SNCB: variants seen among roughly 807,000 people sequenced by gnomAD.
SNCB encodes the protein beta-synuclein.
Under a neutral mutation model 20.0 loss-of-function variants are expected in SNCB, and 8 were observed. The observed-to-expected ratio is 0.40, with a 90% confidence interval of 0.24 to 0.72. SNCB has a LOEUF of 0.72. Ranked by LOEUF, SNCB falls within the 30% of genes least tolerant of loss-of-function variation. The pLI is 0.37. For synonymous variants in SNCB, 56 were observed against 65.4 expected (o/e 0.86, Z 0.69); for missense variants, 125 against 168.0 (o/e 0.74, Z 1.41).
chr5:176,621,102 T>C lies in SNCB; in HGVS notation c.372+112A>G, dbSNP rs982865558. ...TGGGGCCTGGGTTCTAGAAGAGGGA[T>C]GTCAAGCTCCCTGGCCCAACCATCT... On this transcript the variant is annotated intron_variant, in intron 5 of 5. Transcript: ENST00000393693. The surrounding 1 kb of genome is among the most constrained non-coding windows in gnomAD (Gnocchi z 4.1). 15 of 906,346 alleles carry C rather than the reference T, an allele frequency of 1.7e-5. No individual in the cohort carries two copies. The African/African-American group carries it at 2.3e-4, about 14-fold the overall frequency. 56.1% of individuals were successfully genotyped at this position (906,346 alleles called of 1,614,324 possible).
rs1759565463 is a variant in SNCB at position 176,621,140 on chromosome 5, G to A, written c.372+74C>T. ...GGCCCAACCATCTCATGCCAGGGAT[G>A]TCCCACCCCAGCTAGGGACGGCAGC... On this transcript the variant is annotated intron_variant, in intron 5 of 5. Coordinates refer to ENST00000393693, the MANE Select transcript of SNCB (RefSeq NM_003085.5). The surrounding 1 kb of genome is among the most constrained non-coding windows in gnomAD (Gnocchi z 4.1). 4 of 1,213,002 alleles carry A rather than the reference G, an allele frequency of 3.3e-6. 1 individual carries two copies. In the Middle Eastern group the frequency reaches 6.4e-4, roughly 193 times the overall value. 75.1% of individuals were successfully genotyped at this position (1,213,002 alleles called of 1,614,324 possible). A position where few individuals can be genotyped will look rare whatever the true frequency, so the allele number is the denominator to read the frequency against.
chr5:176,628,088 A>AG (rs1490093810), intron 2 of SNCB, among the ~76,000 whole-genome samples: 2 of 152,186 alleles, frequency 1.3e-5, no homozygotes, highest in Non-Finnish European at 2.9e-5. Context: ...AGACTGAGGC[A>AG]GGACCATGAA....
intron 4 of SNCB, among the ~76,000 whole-genome samples, chr5:176,625,285 A>C (rs1049509926): frequency 6.6e-6 from 1 of 152,064 alleles, no homozygotes; most frequent in South Asian, 2.1e-4. Context: ...TGCGGCATCA[A>C]CCTCACCCGG....
chr5:176,623,125 C>T lies in SNCB; in HGVS notation c.283-1822G>A, dbSNP rs115207150. Among the ~76,000 whole-genome samples, 484 of 152,162 alleles carry T rather than the reference C, an allele frequency of 3.2e-3. 6 individuals are homozygous for T. The highest frequency in any genetic ancestry group is 0.011 in the African/African-American group (464 of 41,550). On this transcript the variant is annotated intron_variant, in intron 4 of 5. Transcript: ENST00000393693. Reference sequence around the variant, plus strand: ...AAGGCCAGGCATAGTGGCTCACGCCCGTTACCACTCCCAGCATTTTGGGAG... The same window carrying T: ...AAGGCCAGGCATAGTGGCTCACGCCTGTTACCACTCCCAGCATTTTGGGAG...
At position 176,620,386 on chromosome 5, in the gene SNCB, GT is replaced by G; in HGVS notation, c.*424del. On this transcript the variant is annotated 3_prime_UTR_variant, in exon 6 of 6. Transcript: ENST00000393693. This position sits in a 1 kb window ranked among gnomAD's most constrained non-coding sequence, Gnocchi z 4.5. ...GGGACATGGCACAGCCTGGCTCCTG[GT>G]TTTGGTTAAAAAAAAAAAGGTTCTC... The G allele has an allele frequency of 5.2e-6, 1 of 192,760 alleles. No individual in the cohort carries two copies. The allele number at this position is 192,760 out of a possible 1,614,324, so 11.9% of individuals were successfully genotyped here. A position where few individuals can be genotyped will look rare whatever the true frequency, so the allele number is the denominator to read the frequency against.
chr5:176,621,400 AG>A lies in SNCB; in HGVS notation c.283-98del. On this transcript the variant is annotated intron_variant, in intron 4 of 5. Coordinates refer to ENST00000393693, the MANE Select transcript of SNCB (RefSeq NM_003085.5). The surrounding 1 kb of genome is among the most constrained non-coding windows in gnomAD (Gnocchi z 4.1). ...TGGGTGGGTTGGAGTGGGGAAGGCT[AG>A]GGTGGGTTGGCAGAGCAAGGATAAT... 1.0e-6 allele frequency: 1 copy of A among 960,184 alleles called. No homozygotes were observed. The highest frequency in any genetic ancestry group is 1.7e-6 in the Non-Finnish European group (1 of 603,866). 59.5% of individuals were successfully genotyped at this position (960,184 alleles called of 1,614,324 possible). A position where few individuals can be genotyped will look rare whatever the true frequency, so the allele number is the denominator to read the frequency against.
Position 176,620,764 on chromosome 5 carries a change from A to G in SNCB, c.*47T>C, listed in dbSNP as rs539097803. On this transcript the variant is annotated 3_prime_UTR_variant, in exon 6 of 6. Coordinates refer to ENST00000393693, the MANE Select transcript of SNCB (RefSeq NM_003085.5). The surrounding 1 kb of genome is among the most constrained non-coding windows in gnomAD (Gnocchi z 4.5). ...CAGCCCTGGCTCTGGGGGGCGGGGC[A>G]GGGACAGGGACAGAATTGTGCTGCT... 10 of 1,420,052 alleles carry G rather than the reference A, an allele frequency of 7.0e-6. No individual in the cohort carries two copies. The South Asian group carries it at 1.1e-4, about 16-fold the overall frequency. 88.0% of individuals were successfully genotyped at this position (1,420,052 alleles called of 1,614,324 possible).
rs776845553 is a variant in SNCB, at chr5:176,626,416, T to A, written c.264A>T (p.Glu88Asp). ...CGCTTACCTTCAGATCAGTAGGGAA[T>A]TCCTCCCTCTTCACCAGTCCTGTGG... ...AAATGLVKRE[E>D]FPTDLKPEEV... The change falls in exon 4 of 6, where the codon GAA becomes GAT. Residue 88 changes from glutamate (E) to aspartate (D), a missense_variant. Glu to Asp is a conservative substitution (Grantham distance 45, BLOSUM62 2). Transcript: ENST00000393693. This position sits in a 1 kb window ranked among gnomAD's most constrained non-coding sequence, Gnocchi z 4.2. The A allele has an allele frequency of 6.2e-7, 1 of 1,609,362 alleles. No individual in the cohort carries two copies. Among genetic ancestry groups the A allele is most frequent in the Non-Finnish European group, 8.5e-7 (1 of 1,175,910 alleles).
At position 176,629,414 on chromosome 5, in the gene SNCB, G is replaced by A; in HGVS notation, c.121+120C>T. 4 of 1,092,526 alleles carry A rather than the reference G, an allele frequency of 3.7e-6. No individual in the cohort carries two copies. The highest frequency in any genetic ancestry group is 1.5e-5 in the South Asian group (1 of 67,130). The allele number at this position is 1,092,526 out of a possible 1,614,324, so 67.7% of individuals were successfully genotyped here. A position where few individuals can be genotyped will look rare whatever the true frequency, so the allele number is the denominator to read the frequency against. ...GTCCCCTATGACCCCTGCTGACCTC[G>A]CCCCATCTGCTGACTCATATTCTCC... is the stretch of plus-strand genomic sequence containing the variant. On this transcript the variant is annotated intron_variant, in intron 2 of 5. Transcript: ENST00000393693. The surrounding 1 kb of genome is among the most constrained non-coding windows in gnomAD (Gnocchi z 4.1).
Position 176,620,917 on chromosome 5 carries a change from C to G in SNCB, c.373-74G>C. On this transcript the variant is annotated intron_variant, in intron 5 of 5. Transcript: ENST00000393693. This position sits in a 1 kb window ranked among gnomAD's most constrained non-coding sequence, Gnocchi z 4.5. The stretch of plus-strand genomic sequence containing the variant: ...GAGTTTGAGACCAAGTGGCCAAGCC[C>G]CGGCCCAAGAACCCTCTCCCTGAAG... 7.5e-7 allele frequency: 1 copy of G among 1,338,412 alleles called. No individual in the cohort carries two copies. Among genetic ancestry groups the G allele is most frequent in the East Asian group, 2.3e-5 (1 of 43,742 alleles). 82.9% of individuals were successfully genotyped at this position (1,338,412 alleles called of 1,614,324 possible). A position where few individuals can be genotyped will look rare whatever the true frequency, so the allele number is the denominator to read the frequency against.
rs1014617645 is a variant in SNCB, at chr5:176,629,612, C to T, written c.43G>A (p.Val15Ile). Residue 15 changes from valine (V) to isoleucine (I), a missense_variant, in exon 2 of 6, where the codon GTT (valine) becomes ATT (isoleucine). Physicochemically the swap from Val to Ile is conservative, Grantham distance 29. Transcript: ENST00000393693. This position sits in a 1 kb window ranked among gnomAD's most constrained non-coding sequence, Gnocchi z 4.1. ...MKGLSMAKEG[V>I]VAAAEKTKQG... ...TTGGTTTTCTCCGCGGCTGCCACAA[C>T]GCCCTCCTTGGCCATGGACAGGCCC... 1.2e-6 allele frequency: 2 copies of T among 1,613,884 alleles called. No homozygotes were observed. Among genetic ancestry groups the T allele is most frequent in the Non-Finnish European group, 1.7e-6 (2 of 1,179,908 alleles).
chr5:176,624,329 G>A (rs1424012176), intron 4 of SNCB, among the ~76,000 whole-genome samples: 1 of 152,162 alleles, frequency 6.6e-6, no homozygotes, highest in African/African-American at 2.4e-5. Flanking sequence ...TGGGGTCTTG[G>A]GCAAGTGACT....
rs1421732840 is a variant in SNCB at position 176,629,782 on chromosome 5, C to T, written c.-9-119G>A. The T allele has an allele frequency of 5.9e-6, 8 of 1,360,880 alleles. No individual in the cohort carries two copies. The East Asian group carries it at 1.8e-4, about 30-fold the overall frequency. The allele number at this position is 1,360,880 out of a possible 1,614,324, so 84.3% of individuals were successfully genotyped here. On this transcript the variant is annotated intron_variant, in intron 1 of 5. Transcript: ENST00000393693. The surrounding 1 kb of genome is among the most constrained non-coding windows in gnomAD (Gnocchi z 4.1). ...CCGCGGCGCCCTTCTGGACCCTGAG[C>T]CCCCTCCCGCTTTCCCCCCATCCCA...
In SNCB at chr5:176,626,392, G is replaced by T. The variant is rs772728733; in HGVS notation, c.282+6C>A. Reference sequence around the variant, plus strand: ...CCTGCATGTGCGGGTCAGAAGGATCGCTTACCTTCAGATCAGTAGGGAATT... The same window carrying T: ...CCTGCATGTGCGGGTCAGAAGGATCTCTTACCTTCAGATCAGTAGGGAATT... On this transcript the variant is annotated splice_donor_region_variant and intron_variant, in intron 4 of 5. Coordinates refer to ENST00000393693, the MANE Select transcript of SNCB (RefSeq NM_003085.5). The surrounding 1 kb of genome is among the most constrained non-coding windows in gnomAD (Gnocchi z 4.2). 3.2e-6 allele frequency: 5 copies of T among 1,560,864 alleles called. No individual in the cohort carries two copies. The South Asian group carries it at 5.6e-5, about 17-fold the overall frequency.
At position 176,621,098 on chromosome 5, in the gene SNCB, G is replaced by T; in HGVS notation, c.372+116C>A. The T allele has an allele frequency of 1.1e-6, 1 of 883,250 alleles. No homozygotes were observed. The highest frequency in any genetic ancestry group is 1.8e-6 in the Non-Finnish European group (1 of 540,860). The allele number at this position is 883,250 out of a possible 1,614,324, so 54.7% of individuals were successfully genotyped here. Reference sequence around the variant, plus strand: ...CTCCTGGGGCCTGGGTTCTAGAAGAGGGATGTCAAGCTCCCTGGCCCAACC... The same window carrying T: ...CTCCTGGGGCCTGGGTTCTAGAAGATGGATGTCAAGCTCCCTGGCCCAACC... On this transcript the variant is annotated intron_variant, in intron 5 of 5. Transcript: ENST00000393693. This position sits in a 1 kb window ranked among gnomAD's most constrained non-coding sequence, Gnocchi z 4.1.
Position 176,626,183 on chromosome 5 carries a change from C to T in SNCB, c.282+215G>A, listed in dbSNP as rs912926019. ...GACAGCCAGGTCTGGGTCCCCATCA[C>T]CGGGAGCGTCACACCCATGCACGCC... On this transcript the variant is annotated intron_variant, in intron 4 of 5. Transcript: ENST00000393693. This position sits in a 1 kb window ranked among gnomAD's most constrained non-coding sequence, Gnocchi z 4.2. 6.6e-6 allele frequency among the ~76,000 whole-genome samples: 1 copy of T among 152,170 alleles called. No individual in the cohort carries two copies. The highest frequency in any genetic ancestry group is 2.4e-5 in the African/African-American group (1 of 41,430).
Position 176,621,308 on chromosome 5 carries a change from G to T in SNCB, c.283-5C>A. ...TTCCTGGGCCACTTCCTCTGGCTGTGGGCAGAAAAGGTCAGGACTCGTGAG... is the reference window on the plus strand; with the variant it reads ...TTCCTGGGCCACTTCCTCTGGCTGTTGGCAGAAAAGGTCAGGACTCGTGAG... On this transcript the variant is annotated splice_polypyrimidine_tract_variant and splice_region_variant and intron_variant, in intron 4 of 5. Transcript: ENST00000393693. This position sits in a 1 kb window ranked among gnomAD's most constrained non-coding sequence, Gnocchi z 4.1. The T allele has an allele frequency of 1.9e-6, 3 of 1,611,296 alleles. No homozygotes were observed. Among genetic ancestry groups the T allele is most frequent in the Non-Finnish European group, 2.5e-6 (3 of 1,178,658 alleles).
At position 176,620,815 on chromosome 5, in the gene SNCB, G is replaced by C; in HGVS notation, c.401C>G (p.Ala134Gly). The C allele has an allele frequency of 6.2e-7, 1 of 1,613,498 alleles. No homozygotes were observed. The highest frequency in any genetic ancestry group is 8.5e-7 in the Non-Finnish European group (1 of 1,179,478). Residue 134 changes from alanine to glycine, a missense_variant, in exon 6 of 6, where the codon GCG (alanine) becomes GGG (glycine). By Grantham distance (60) the Ala-to-Gly change is moderately conservative. Transcript: ENST00000393693. This position sits in a 1 kb window ranked among gnomAD's most constrained non-coding sequence, Gnocchi z 4.5. Reference sequence around the variant, plus strand: ...GGTGGGGGCTCTCCTGGGCCCCTACGCCTCTGGCTCATACTCCTGATATTC... The same window carrying C: ...GGTGGGGGCTCTCCTGGGCCCCTACCCCTCTGGCTCATACTCCTGATATTC... ...QEEYQEYEPE[A>G]
intron 4 of SNCB, among the ~76,000 whole-genome samples, chr5:176,624,826 A>AAC (rs1759842119): frequency 6.6e-6 from 1 of 151,902 alleles, no homozygotes; most frequent in Non-Finnish European, 1.5e-5. Context: ...AACAAAAAAA[A>AAC]ACAAATGGGA....
Sources: gnomAD v4.1 joint callset for allele counts (sites outside exome capture counted in the v4.1 genomes callset) on GRCh38, gnomAD v4.1.1 for gene constraint, Gnocchi (gnomAD v3.1) non-coding constraint, MANE v1.5 for transcripts, NCBI Gene and HGNC (gene_info 2026-07-23, HGNC 2026-07-21) for gene names.